Variants in IKBKE observed in about 807,000 individuals in gnomAD.
IKBKE encodes the protein inhibitor of nuclear factor kappa-B kinase subunit epsilon.
IKBKE carries 45 observed loss-of-function variants against 92.1 expected under a neutral mutation model. That is an observed-to-expected ratio of 0.49 (90% CI 0.38 to 0.63). The LOEUF is 0.63. Ranked by LOEUF, IKBKE falls within the 20% of genes least tolerant of loss-of-function variation. IKBKE has a pLI of 0.00. For missense variants in IKBKE, 700 were observed against 932.8 expected (o/e 0.75, Z 3.25); for synonymous variants, 374 against 380.3 (o/e 0.98, Z 0.19).
intron 16 of IKBKE, among the ~76,000 whole-genome samples, chr1:206,489,365 GTGTGTATATATATATATATATATA>G (rs1320225319): frequency 1.0e-4 from 3 of 29,408 alleles, no homozygotes; most frequent in African/African-American, 2.4e-4. Flanking sequence ...GTGTGTGTGT[GTGTGTATATATATATATATATATA>G]TATATATATA....
Position 206,478,265 on chromosome 1 carries a change from G to T in IKBKE, c.918G>T (p.Leu306=), listed in dbSNP as rs560751980. Residue 306 remains leucine (L), a synonymous_variant, in exon 9 of 22, where the codon CTG becomes CTT. Transcript: ENST00000581977. The surrounding 1 kb of genome is among the most constrained non-coding windows in gnomAD (Gnocchi z 4.8). ...TCTTTGCGGAGACCAGTGACATCCT[G>T]CAGCGAGTTGTCGTCCATGTCTTCT... ...DQFFAETSDI[L]QRVVVHVFSL... is the part of the protein sequence containing the mutation. The T allele has an allele frequency of 6.8e-6, 11 of 1,614,058 alleles. No homozygotes were observed. Among genetic ancestry groups the T allele is most frequent in the Non-Finnish European group, 8.5e-6 (10 of 1,180,034 alleles).
Position 206,479,308 on chromosome 1 carries a change from G to A in IKBKE, c.1183+175G>A, listed in dbSNP as rs182739073. Reference sequence around the variant, plus strand: ...AGACGCCTCTGAGATGCCACATGACGTGGGCTGGTGGCTTGACCTCCCTGG... The same window carrying A: ...AGACGCCTCTGAGATGCCACATGACATGGGCTGGTGGCTTGACCTCCCTGG... On this transcript the variant is annotated intron_variant, in intron 10 of 21. Coordinates refer to ENST00000581977, the MANE Select transcript of IKBKE (RefSeq NM_014002.4). 3.8e-3 allele frequency among the ~76,000 whole-genome samples: 586 copies of A among 152,334 alleles called. 7 individuals carry two copies. Among genetic ancestry groups the A allele is most frequent in the Non-Finnish European group, 5.8e-3 (396 of 68,032 alleles).
rs944776 is a variant in IKBKE at position 206,485,626 on chromosome 1, A to G, written c.1616+320A>G. 5.1e-4 allele frequency among the ~76,000 whole-genome samples: 78 copies of G among 152,326 alleles called. No individual in the cohort carries two copies. The East Asian group carries it at 0.013, about 25-fold the overall frequency. On this transcript the variant is annotated intron_variant, in intron 15 of 21. Transcript: ENST00000581977. This position sits in a 1 kb window ranked among gnomAD's most constrained non-coding sequence, Gnocchi z 5.0. ...CTTTCTCTGTGTCAGGCCCTTGGGT[A>G]GGTCCTCTCACGTACAGCATCTCGT...
At chr1:206,494,592 C>CTTTTTTTTTTTTTTTTT (rs58971788) in intron 21 of IKBKE, among the ~76,000 whole-genome samples, 1 of 63,906 alleles carries the variant, frequency 1.6e-5, no homozygotes, top group African/African-American at 5.7e-5. Flanking sequence ...AAAGTTCTTT[C>CTTTTTTTTTTTTTTTTT]TTTTTTTTTT....
chr1:206,495,128 C>T (rs1223258721), intron 21 of IKBKE, among the ~76,000 whole-genome samples: 6 of 151,968 alleles, frequency 3.9e-5, no homozygotes, highest in African/African-American at 9.7e-5. Flanking sequence ...TATACATGTA[C>T]ACACGTGCAC....
At position 206,490,854 on chromosome 1, in the gene IKBKE, G is replaced by A. The variant is rs1348495884; in HGVS notation, c.1729G>A (p.Asp577Asn). ...GYNEEQIHKL[D>N]KVNFSHLAKR... ...CAACGAGGAGCAGATTCACAAGCTG[G>A]ATAAGTGAGTGGCCTGTCCTCCGGC... Residue 577 changes from aspartate to asparagine, a missense_variant, in exon 17 of 22, where the codon GAT becomes AAT. By Grantham distance (23) the Asp-to-Asn change is conservative (BLOSUM62 1). Transcript: ENST00000581977. This position sits in a 1 kb window ranked among gnomAD's most constrained non-coding sequence, Gnocchi z 5.2. 3 of 1,614,038 alleles carry A rather than the reference G, an allele frequency of 1.9e-6. No homozygotes were observed. Among genetic ancestry groups the A allele is most frequent in the Non-Finnish European group, 2.5e-6 (3 of 1,180,008 alleles).
chr1:206,476,720 C>T lies in IKBKE; in HGVS notation c.583C>T (p.Gln195Ter). The T allele has an allele frequency of 6.2e-7, 1 of 1,614,240 alleles. No individual in the cohort carries two copies. The change falls in exon 7 of 22, where the codon CAA (glutamine) becomes TAA (stop). Residue 195 changes from glutamine to a stop codon, truncating the protein, a stop_gained. Coordinates refer to ENST00000581977, the MANE Select transcript of IKBKE (RefSeq NM_014002.4). LOFTEE classifies it high-confidence loss of function. This position sits in a 1 kb window ranked among gnomAD's most constrained non-coding sequence, Gnocchi z 5.1. ...YERAVLRKPQ[Q>*]KAFGVTVDLW... ...GCGGGCGGTGCTTCGAAAGCCCCAG[C>T]AAAAAGCGTTCGGGGTGACTGTGGA...
chr1:206,491,278 C>T (rs1665939182), intron 17 of IKBKE: 1 of 362,972 alleles, frequency 2.8e-6, no homozygotes, highest in Non-Finnish European at 5.2e-6. Context: ...CTCACTCCCC[C>T]AGTTCTACAA....
chr1:206,476,532 G>T lies in IKBKE; in HGVS notation c.541-146G>T. The stretch of plus-strand genomic sequence containing the variant: ...GCATTCTGTTCTCTAAGATGGAAAA[G>T]GTGAGGCTGACACCCATTTTTAAGA... On this transcript the variant is annotated intron_variant, in intron 6 of 21. Coordinates refer to ENST00000581977, the MANE Select transcript of IKBKE (RefSeq NM_014002.4). The surrounding 1 kb of genome is among the most constrained non-coding windows in gnomAD (Gnocchi z 5.1). 2 of 1,135,848 alleles carry T rather than the reference G, an allele frequency of 1.8e-6. No individual in the cohort carries two copies. Among genetic ancestry groups the T allele is most frequent in the East Asian group, 2.5e-5 (1 of 39,786 alleles). The allele number at this position is 1,135,848 out of a possible 1,614,324, so 70.4% of individuals were successfully genotyped here.
chr1:206,478,823 C>A lies in IKBKE; in HGVS notation c.993-120C>A. The A allele has an allele frequency of 1.3e-6, 1 of 786,736 alleles. No homozygotes were observed. The highest frequency in any genetic ancestry group is 2.2e-6 in the Non-Finnish European group (1 of 449,068). The allele number at this position is 786,736 out of a possible 1,614,324, so 48.7% of individuals were successfully genotyped here. A position where few individuals can be genotyped will look rare whatever the true frequency, so the allele number is the denominator to read the frequency against. On this transcript the variant is annotated intron_variant, in intron 9 of 21. Transcript: ENST00000581977. The surrounding 1 kb of genome is among the most constrained non-coding windows in gnomAD (Gnocchi z 4.8). ...GACAGAGAAAACCACCCCCGTCCCT[C>A]CCTCTGCAAAACAGAGCCCTGTCTA... is the stretch of plus-strand genomic sequence containing the variant.
In IKBKE at chr1:206,474,969, G is replaced by A. The variant is rs781865723; in HGVS notation, c.333G>A (p.Glu111=). ...ATGCCTTTGGGCTGCCTGAGGATGA[G>A]TTCCTGGTGGTGCTGCGCTGTGTGG... ...PENAFGLPED[E]FLVVLRCVVA... is the part of the protein sequence containing the mutation. Residue 111 remains glutamate, a synonymous_variant, in exon 5 of 22, where the codon GAG becomes GAA. Transcript: ENST00000581977. 4 of 1,614,100 alleles carry A rather than the reference G, an allele frequency of 2.5e-6. No homozygotes were observed. In the South Asian group the frequency reaches 4.4e-5, roughly 18 times the overall value.
At position 206,475,026 on chromosome 1, in the gene IKBKE, C is replaced by T. The variant is rs1183680565; in HGVS notation, c.358+32C>T. ...CCCTCCCTGTCCCTGCCTCCACCCT[C>T]AGACCAGCGGCAGGCCTGGGACAGA... is the stretch of plus-strand genomic sequence containing the variant. On this transcript the variant is annotated intron_variant, in intron 5 of 21. Transcript: ENST00000581977. 2.5e-6 allele frequency: 4 copies of T among 1,611,682 alleles called. No individual in the cohort carries two copies. The South Asian group carries it at 4.4e-5, about 18-fold the overall frequency.
intron 16 of IKBKE, among the ~76,000 whole-genome samples, chr1:206,488,952 T>C (rs1056417992): frequency 6.6e-6 from 1 of 152,158 alleles, no homozygotes; most frequent in South Asian, 2.1e-4. Context: ...AAATACCTTA[T>C]ATTCTTTTTG....
rs1553386528 is a variant in IKBKE, at chr1:206,479,905, G to A, written c.1219G>A (p.Asp407Asn). 2 of 1,613,812 alleles carry A rather than the reference G, an allele frequency of 1.2e-6. No individual in the cohort carries two copies. Among genetic ancestry groups the A allele is most frequent in the Admixed American group, 3.3e-5 (2 of 59,976 alleles). ...LDVPKFVPKVDLQADYNTAKG... is the reference protein window; with the variant it reads ...LDVPKFVPKVNLQADYNTAKG... Reference sequence around the variant, plus strand: ...CGTCCCCAAGTTCGTCCCCAAAGTGGACCTGCAGGCGGATTACAACACTGC... The same window carrying A: ...CGTCCCCAAGTTCGTCCCCAAAGTGAACCTGCAGGCGGATTACAACACTGC... Residue 407 changes from aspartate to asparagine, a missense_variant, in exon 11 of 22, where the codon GAC becomes AAC. Transcript: ENST00000581977.
chr1:206,474,701 T>C (rs1664962426), intron 4 of IKBKE, 164 bp from the exon 5 acceptor site: 2 of 862,960 alleles, frequency 2.3e-6, no homozygotes, highest in Admixed American at 2.8e-5. Flanking sequence ...TAACTGACTT[T>C]GGATTCCAGT....
Position 206,478,171 on chromosome 1 carries a change from G to T in IKBKE, c.824G>T (p.Ser275Ile), listed in dbSNP as rs781994897. 6.2e-7 allele frequency: 1 copy of T among 1,613,768 alleles called. No homozygotes were observed. Among genetic ancestry groups the T allele is most frequent in the East Asian group, 2.2e-5 (1 of 44,896 alleles). The change falls in exon 9 of 22, where the codon AGC (serine) becomes ATC (isoleucine). Residue 275 changes from serine (S) to isoleucine (I), a missense_variant. By Grantham distance (142) the Ser-to-Ile change is moderately radical. Transcript: ENST00000581977. This position sits in a 1 kb window ranked among gnomAD's most constrained non-coding sequence, Gnocchi z 4.8. Reference sequence around the variant, plus strand: ...TCCTGGGAGGGCAGGGGGCTGCAGAGCCAGCTGGTGCCCATCCTGGCCAAC... The same window carrying T: ...TCCTGGGAGGGCAGGGGGCTGCAGATCCAGCTGGTGCCCATCCTGGCCAAC... ...ITCQLSLGLQSQLVPILANIL... is the reference protein window; with the variant it reads ...ITCQLSLGLQIQLVPILANIL...
intron 19 of IKBKE, 63 bp from the exon 20 acceptor site, chr1:206,493,202 TC>T: frequency 6.5e-7 from 1 of 1,548,324 alleles, no homozygotes; most frequent in Non-Finnish European, 8.9e-7. Flanking sequence ...CCTCCAGCAC[TC>T]CCCCTACCCA....
intron 4 of IKBKE, 126 bp from the exon 5 acceptor site, chr1:206,474,739 G>C: frequency 8.5e-7 from 1 of 1,169,592 alleles, no homozygotes. Context: ...GGCCAAGGAG[G>C]GAAGGCCAGG....
chr1:206,493,239 G>A (rs1553391122), intron 19 of IKBKE, 27 bp from the exon 20 acceptor site: 1 of 1,601,324 alleles, frequency 6.2e-7, no homozygotes, highest in South Asian at 1.1e-5. Flanking sequence ...GCTACTAATT[G>A]CTGACCAAAG....
Sources: gnomAD v4.1 joint callset for allele counts (sites outside exome capture counted in the v4.1 genomes callset) on GRCh38, gnomAD v4.1.1 for gene constraint, Gnocchi (gnomAD v3.1) non-coding constraint, MANE v1.5 for transcripts, NCBI Gene and HGNC (gene_info 2026-07-23, HGNC 2026-07-21) for gene names.